PLD5: variants seen among roughly 807,000 people sequenced by gnomAD.
PLD5 encodes inactive phospholipase D5.
Under a neutral mutation model 61.1 loss-of-function variants are expected in PLD5, and 36 were observed. That is an observed-to-expected ratio of 0.59 (90% confidence interval 0.45 to 0.78). The LOEUF (loss-of-function observed/expected upper bound fraction) is 0.78. PLD5 is among the 30% of genes least tolerant of loss of function. PLD5 has a pLI of 0.00. For synonymous variants in PLD5, 243 were observed against 242.8 expected, an observed-to-expected ratio of 1.00 and a Z score of -0.01; for missense variants, 515 against 644.4, an observed-to-expected ratio of 0.80 and a Z score of 2.17.
intron 1 of PLD5, among the ~76,000 whole-genome samples, chr1:242,478,562 T>G (rs1161135013): frequency 1.3e-5 from 2 of 152,192 alleles, no homozygotes; most frequent in Non-Finnish European, 2.9e-5. Context: ...AATGTGAAGA[T>G]CGTAAGTGTG....
At chr1:242,366,664 C>T (rs143074683) in intron 1 of PLD5, among the ~76,000 whole-genome samples, 106 of 152,254 alleles carry the variant, frequency 7.0e-4, no homozygotes, top group African/African-American at 2.5e-3. Context: ...GCAAAACCCA[C>T]GCTTGCTTTT....
At chr1:242,281,166 T>C (rs891261899) in intron 3 of PLD5, among the ~76,000 whole-genome samples, 3 of 152,186 alleles carry the variant, frequency 2.0e-5, no homozygotes, top group African/African-American at 7.2e-5. Flanking sequence ...GTTAATAATA[T>C]CATTTACAAA....
chr1:242,272,421 C>T (rs1674144552), intron 3 of PLD5, among the ~76,000 whole-genome samples: 1 of 152,022 alleles, frequency 6.6e-6, no homozygotes, highest in African/African-American at 2.4e-5. Context: ...ATATACTTCT[C>T]ACTCTATATA....
intron 5 of PLD5, among the ~76,000 whole-genome samples, chr1:242,143,323 G>C (rs1023960590): frequency 1.3e-5 from 2 of 152,154 alleles, no homozygotes; most frequent in Non-Finnish European, 2.9e-5. Flanking sequence ...AAAGTGCTGG[G>C]ATTACAGAGA....
At chr1:242,149,349 G>A (rs1007953716) in intron 5 of PLD5, among the ~76,000 whole-genome samples, 1 of 151,676 alleles carries the variant, frequency 6.6e-6, no homozygotes, top group Non-Finnish European at 1.5e-5. Flanking sequence ...AACTCTACTT[G>A]ATCATTTTTT....
At chr1:242,513,185 G>T (rs1315411363) in intron 1 of PLD5, among the ~76,000 whole-genome samples, 1 of 152,110 alleles carries the variant, frequency 6.6e-6, no homozygotes, top group Non-Finnish European at 1.5e-5. Context: ...TCAGCCTCCA[G>T]TGAATTTTTG....
chr1:242,498,125 A>C (rs1449906089), intron 1 of PLD5, among the ~76,000 whole-genome samples: 1 of 151,980 alleles, frequency 6.6e-6, no homozygotes, highest in Non-Finnish European at 1.5e-5. Context: ...CCACCATGCC[A>C]GGCTAATTTT....
intron 1 of PLD5, among the ~76,000 whole-genome samples, chr1:242,418,374 C>A (rs1385135009): frequency 6.6e-6 from 1 of 152,090 alleles, no homozygotes; most frequent in African/African-American, 2.4e-5. Flanking sequence ...AACGAATAGA[C>A]AATTGGATGT....
At chr1:242,499,871 G>T (rs980540867) in intron 1 of PLD5, among the ~76,000 whole-genome samples, 1 of 152,100 alleles carries the variant, frequency 6.6e-6, no homozygotes, top group African/African-American at 2.4e-5. Flanking sequence ...GGAGTGACTG[G>T]AATAGCTAAC....
chr1:242,276,430 A>ATTTGTATATATACC (rs1558422173), intron 3 of PLD5, among the ~76,000 whole-genome samples: 2 of 32,400 alleles, frequency 6.2e-5, no homozygotes, highest in Non-Finnish European at 1.9e-4. Flanking sequence ...GTATATATAC[A>ATTTGTATATATACC]CAAATTATAT....
chr1:242,402,296 T>C (rs1381757261), intron 1 of PLD5, among the ~76,000 whole-genome samples: 1 of 126,880 alleles, frequency 7.9e-6, no homozygotes, highest in Non-Finnish European at 1.7e-5. Context: ...ACACTTTTTA[T>C]TTTTTTGCAT....
chr1:242,200,786 C>T (rs1404274124), intron 5 of PLD5, among the ~76,000 whole-genome samples: 2 of 152,214 alleles, frequency 1.3e-5, no homozygotes, highest in Non-Finnish European at 2.9e-5. Flanking sequence ...TCCTGCATCT[C>T]ACGCAGGGGT....
At chr1:242,307,397 C>T (rs185034096) in intron 2 of PLD5, among the ~76,000 whole-genome samples, 10 of 151,804 alleles carry the variant, frequency 6.6e-5, no homozygotes, top group Admixed American at 1.3e-4. Context: ...TGATAGTAAT[C>T]GCTGCCACTT....
At chr1:242,113,785 C>T (rs760559296) in intron 7 of PLD5, 105 bp downstream of exon 7, 1 of 1,379,462 alleles carries the variant, frequency 7.2e-7, no homozygotes, top group Non-Finnish European at 9.8e-7. Flanking sequence ...CTTCCTAAGG[C>T]AACCTGATGG....
Position 242,202,404 on chromosome 1 carries a change from G to A in PLD5, c.735+17584C>T, listed in dbSNP as rs552649377. ...CTCACATTTATTGAGCTTACAATGT[G>A]TAAGCTTTGATGAAGAAACCACAGC... On this transcript the variant is annotated intron_variant, in intron 5 of 9. Transcript: ENST00000536534. Among the ~76,000 whole-genome samples the A allele has an allele frequency of 9.2e-5, 14 of 152,214 alleles. No homozygotes were observed. In the South Asian group the frequency reaches 2.7e-3, roughly 29 times the overall value.
intron 5 of PLD5, among the ~76,000 whole-genome samples, chr1:242,168,782 G>T (rs765067328): frequency 8.0e-5 from 12 of 149,258 alleles, no homozygotes; most frequent in Non-Finnish European, 1.3e-4. Flanking sequence ...TTGTTTAAAG[G>T]TATTCTGTAT....
In PLD5 at chr1:242,349,654, A is replaced by ATC. The variant is rs370568548; in HGVS notation, c.190-1414_190-1413dup. 1.9e-3 allele frequency among the ~76,000 whole-genome samples: 295 copies of ATC among 152,310 alleles called. 1 individual carries two copies. The highest frequency in any genetic ancestry group is 6.6e-3 in the African/African-American group (275 of 41,556). On this transcript the variant is annotated intron_variant, in intron 1 of 9. Coordinates refer to ENST00000536534, the MANE Select transcript of PLD5 (RefSeq NM_001372062.1). Reference sequence around the variant, plus strand: ...AGGCCCCAGTATGATAATCTGAGCCATCTCTCTCTCTAGGGGCTCATGGCT... The same window carrying ATC: ...AGGCCCCAGTATGATAATCTGAGCCATCTCTCTCTCTCTAGGGGCTCATGGCT...
intron 1 of PLD5, among the ~76,000 whole-genome samples, chr1:242,439,943 T>C (rs1250073832): frequency 6.6e-6 from 1 of 152,170 alleles, no homozygotes; most frequent in Admixed American, 6.5e-5. Flanking sequence ...AAGGTTCAGT[T>C]TGGGAAACTC....
At chr1:242,480,065 A>C (rs1451685036) in intron 1 of PLD5, among the ~76,000 whole-genome samples, 2 of 148,628 alleles carry the variant, frequency 1.3e-5, no homozygotes, top group Non-Finnish European at 3.0e-5. Flanking sequence ...AAAAAAAAAC[A>C]AAAAAAAAGG....
Sources: allele counts gnomAD v4.1 joint callset (sites outside exome capture counted in the v4.1 genomes callset), GRCh38; gene constraint gnomAD v4.1.1; transcripts MANE v1.5; gene names NCBI Gene and HGNC (gene_info 2026-07-23, HGNC 2026-07-21).